INTS1: variants seen among roughly 807,000 people sequenced by gnomAD.
INTS1 encodes the protein integrator complex subunit 1.
A neutral mutation model predicts 241.6 loss-of-function variants in INTS1; 137 were observed. That is an observed-to-expected ratio of 0.57 (90% confidence interval 0.49 to 0.65). The LOEUF (loss-of-function observed/expected upper bound fraction) is 0.65, where lower values mean the gene tolerates loss of function less well. Among genes scored for constraint, INTS1 ranks in the 30% least tolerant of loss-of-function variants. INTS1 has a pLI of 0.00. For synonymous variants in INTS1, 1,692 were observed against 1,337.8 expected (o/e 1.26, Z -5.78); for missense variants, 3,073 against 3,032.2 (o/e 1.01, Z -0.32).
At chr7:1,489,562 T>C in intron 17 of INTS1, 29 bp downstream of exon 17, 2 of 1,545,156 alleles carry the variant, frequency 1.3e-6, no homozygotes, top group Middle Eastern at 1.7e-4. Context: ...GGGCCACGTG[T>C]GCGCATGGGG....
chr7:1,498,538 C>T lies in INTS1; in HGVS notation c.1299G>A (p.Ala433=), dbSNP rs143126716. Residue 433 remains alanine, a synonymous_variant, in exon 10 of 48, where the codon GCG becomes GCA. Transcript: ENST00000404767. Reference sequence around the variant, plus strand: ...TGGTGGTGCCCAGGTTGTCCTTGTGCGCGCTCAGCAGCTCCCTGGGTGAGG... The same window carrying T: ...TGGTGGTGCCCAGGTTGTCCTTGTGTGCGCTCAGCAGCTCCCTGGGTGAGG... The part of the protein sequence containing the change: ...FMLCIRELLS[A]HKDNLGTTIK... 2.1e-3 allele frequency: 3,391 copies of T among 1,613,740 alleles called. 59 individuals carry two copies. The African/African-American group carries it at 0.039, about 18-fold the overall frequency.
Position 1,478,473 on chromosome 7 carries a change from A to G in INTS1, c.4523T>C (p.Leu1508Pro), listed in dbSNP as rs1781837596. 6.2e-7 allele frequency: 1 copy of G among 1,611,830 alleles called. No homozygotes were observed. Among genetic ancestry groups the G allele is most frequent in the Admixed American group, 1.7e-5 (1 of 59,966 alleles). ...CACCTCCAGGTCCTGACGGAAGGCC[A>G]GGGCCTCGGCCAGGCGCAGGAGCCC... ...RGGLLRLAEA[L>P]AFRQDLEVVS... The change falls in exon 33 of 48, where the codon CTG becomes CCG. Residue 1508 changes from leucine (L) to proline (P), a missense_variant. Transcript: ENST00000404767.
chr7:1,475,363 CAACA>C (rs925371822), intron 39 of INTS1, among the ~76,000 whole-genome samples: 33 of 152,142 alleles, frequency 2.2e-4, no homozygotes, highest in Non-Finnish European at 4.0e-4. Flanking sequence ...CCAGCCTTGG[CAACA>C]GACACCCTGC....
chr7:1,488,757 G>A (rs1782401755), intron 18 of INTS1, among the ~76,000 whole-genome samples: 1 of 152,180 alleles, frequency 6.6e-6, no homozygotes, highest in Non-Finnish European at 1.5e-5. Context: ...TAGGATGCTG[G>A]CCCCAGAGCT....
intron 26 of INTS1, 27 bp downstream of exon 26, chr7:1,483,714 GC>G: frequency 6.3e-7 from 1 of 1,576,766 alleles, no homozygotes; most frequent in Non-Finnish European, 8.7e-7. Flanking sequence ...GCACGAAGCT[GC>G]CCCTCCCGGG....
intron 42 of INTS1, 106 bp downstream of exon 42, chr7:1,473,460 A>G: frequency 1.5e-6 from 2 of 1,370,018 alleles, no homozygotes; most frequent in Admixed American, 2.0e-5. Flanking sequence ...CCCCGGCCTC[A>G]GGAGCAGCAT....
Position 1,484,124 on chromosome 7 carries a change from AG to A in INTS1, c.3307del (p.Leu1103SerfsTer15). The A allele has an allele frequency of 1.9e-6, 3 of 1,612,276 alleles. No individual in the cohort carries two copies. The highest frequency in any genetic ancestry group is 2.5e-6 in the Non-Finnish European group (3 of 1,179,710). On this transcript the variant is annotated frameshift_variant, in exon 25 of 48. Transcript: ENST00000404767. LOFTEE classifies it high-confidence loss of function. ...VVERSTIMSH[L>X]FSKLSPSAAS... ...GGCACTCGGGGAGAGCTTCGAGAAGAGGTGGGACATGATGGTGGAGCGCTCC... is the reference window on the plus strand; with the variant it reads ...GGCACTCGGGGAGAGCTTCGAGAAGAGTGGGACATGATGGTGGAGCGCTCC...
intron 43 of INTS1, 88 bp downstream of exon 43, chr7:1,472,984 G>A (rs926401797): frequency 3.5e-5 from 30 of 846,104 alleles, no homozygotes; most frequent in African/African-American, 2.1e-4. Context: ...CGCCTCGGAC[G>A]GCCCAGGGCT....
chr7:1,503,796 C>G lies in INTS1; in HGVS notation c.58+107G>C, dbSNP rs905303942. 4 of 788,826 alleles carry G rather than the reference C, an allele frequency of 5.1e-6. No homozygotes were observed. In the East Asian group the frequency reaches 9.3e-5, roughly 18 times the overall value. 48.9% of individuals were successfully genotyped at this position (788,826 alleles called of 1,614,324 possible). On this transcript the variant is annotated intron_variant, in intron 2 of 47. Transcript: ENST00000404767. The stretch of plus-strand genomic sequence containing the variant: ...ACCGAATTCCTGGAAACAGCCGCGG[C>G]TGCGGAACAACCAAGCCCAACGCAG...
chr7:1,504,316 C>A lies in INTS1; in HGVS notation c.-42+7G>T, dbSNP rs529613649. The A allele has an allele frequency of 1.1e-5, 6 of 534,898 alleles. No individual in the cohort carries two copies. The highest frequency in any genetic ancestry group is 2.1e-5 in the Non-Finnish European group (6 of 283,280). The allele number at this position is 534,898 out of a possible 1,614,324, so 33.1% of individuals were successfully genotyped here. On this transcript the variant is annotated splice_region_variant and intron_variant, in intron 1 of 47. Coordinates refer to ENST00000404767, the MANE Select transcript of INTS1 (RefSeq NM_001080453.3). ...ATGAGGAAGCGCCCAGGCCGCGGCT[C>A]ACTTACCTCTGGCCCATCGCGACCG...
At position 1,476,275 on chromosome 7, in the gene INTS1, T is replaced by G. The variant is rs1422579756; in HGVS notation, c.5332A>C (p.Lys1778Gln). The G allele has an allele frequency of 6.3e-7, 1 of 1,580,622 alleles. No individual in the cohort carries two copies. Among genetic ancestry groups the G allele is most frequent in the Non-Finnish European group, 8.6e-7 (1 of 1,165,084 alleles). Residue 1778 changes from lysine (K) to glutamine (Q), a missense_variant, in exon 38 of 48, where the codon AAG becomes CAG. Coordinates refer to ENST00000404767, the MANE Select transcript of INTS1 (RefSeq NM_001080453.3). Reference protein sequence around the residue: ...CCCGDDESVRKVTEHLSGCIQ... With the variant: ...CCCGDDESVRQVTEHLSGCIQ... Reference sequence around the variant, plus strand: ...CAGCCTGACAGGTGCTCCGTCACCTTCCTGACACTCTCATCGTCCCCACAG... The same window carrying G: ...CAGCCTGACAGGTGCTCCGTCACCTGCCTGACACTCTCATCGTCCCCACAG...
intron 16 of INTS1, 41 bp downstream of exon 16, chr7:1,492,969 G>T: frequency 6.6e-7 from 1 of 1,516,036 alleles, no homozygotes; most frequent in Non-Finnish European, 9.1e-7. Context: ...GCGGGGCGCG[G>T]GCTTACCCGG....
At position 1,497,889 on chromosome 7, in the gene INTS1, C is replaced by G. The variant is rs1346224092; in HGVS notation, c.1425+523G>C. On this transcript the variant is annotated intron_variant, in intron 10 of 47. Transcript: ENST00000404767. The surrounding 1 kb of genome is among the most constrained non-coding windows in gnomAD (Gnocchi z 5.3). ...GGTCCTACAGCCAGGGCTACAGGGA[C>G]CCCTGCTTAACCGAGGGACCCAATG... Among the ~76,000 whole-genome samples the G allele has an allele frequency of 6.6e-6, 1 of 152,214 alleles. No homozygotes were observed. Among genetic ancestry groups the G allele is most frequent in the Non-Finnish European group, 1.5e-5 (1 of 68,040 alleles).
chr7:1,483,918 C>A (rs1782119025), intron 25 of INTS1, 65 bp from the exon 26 acceptor site: 6 of 1,585,546 alleles, frequency 3.8e-6, no homozygotes, highest in Non-Finnish European at 5.2e-6. Context: ...CCGAGGGTAC[C>A]CAGCTGGCAC....
At position 1,474,932 on chromosome 7, in the gene INTS1, C is replaced by T. The variant is rs950431858; in HGVS notation, c.5503-94G>A. The T allele has an allele frequency of 9.4e-5, 137 of 1,461,792 alleles. No individual in the cohort carries two copies. In the African/African-American group the frequency reaches 1.5e-3, roughly 16 times the overall value. 90.6% of individuals were successfully genotyped at this position (1,461,792 alleles called of 1,614,324 possible). On this transcript the variant is annotated intron_variant, in intron 39 of 47. Coordinates refer to ENST00000404767, the MANE Select transcript of INTS1 (RefSeq NM_001080453.3). Reference sequence around the variant, plus strand: ...GCCGCCAGCTGTGGCCGTGATCCACCGCGTGGCACGCCATGAGCAGAGGAA... The same window carrying T: ...GCCGCCAGCTGTGGCCGTGATCCACTGCGTGGCACGCCATGAGCAGAGGAA...
Position 1,484,717 on chromosome 7 carries a change from C to T in INTS1, c.3261+381G>A, listed in dbSNP as rs955632181. ...ATTCCACCCTGCTGTGAACAAGGCA[C>T]CCTCACCCCCGTGGCTTCGCATCCT... On this transcript the variant is annotated intron_variant, in intron 24 of 47. Coordinates refer to ENST00000404767, the MANE Select transcript of INTS1 (RefSeq NM_001080453.3). Among the ~76,000 whole-genome samples, 8 of 152,330 alleles carry T rather than the reference C, an allele frequency of 5.3e-5. No homozygotes were observed. The East Asian group carries it at 1.5e-3, about 29-fold the overall frequency.
At chr7:1,503,280 G>A (rs916598496) in intron 2 of INTS1, 89 bp from the exon 3 acceptor site, 62 of 1,366,212 alleles carry the variant, frequency 4.5e-5, no homozygotes, top group Non-Finnish European at 5.5e-5. Context: ...TGTCAGAGGG[G>A]ATTAAACAAG....
At position 1,504,355 on chromosome 7, in the gene INTS1, G is replaced by C. The variant is rs374729850; in HGVS notation, c.-74C>G. ...CCATCGCGACCGGAGCGCCGCCGCC[G>C]CCACCCGGCCACCCCGGAATCGGAA... On this transcript the variant is annotated 5_prime_UTR_variant, in exon 1 of 48. Coordinates refer to ENST00000404767, the MANE Select transcript of INTS1 (RefSeq NM_001080453.3). 6.1e-6 allele frequency: 3 copies of C among 493,926 alleles called. No individual in the cohort carries two copies. Among genetic ancestry groups the C allele is most frequent in the Admixed American group, 4.5e-5 (2 of 44,904 alleles). The allele number at this position is 493,926 out of a possible 1,614,324, so 30.6% of individuals were successfully genotyped here.
chr7:1,489,794 C>A, intron 16 of INTS1, 112 bp from the exon 17 acceptor site: 1 of 693,824 alleles, frequency 1.4e-6, no homozygotes, highest in Non-Finnish European at 2.4e-6. Flanking sequence ...CCCAGCTCCT[C>A]CCGGGACTGC....
Sources: allele counts gnomAD v4.1 joint callset (sites outside exome capture counted in the v4.1 genomes callset), GRCh38; gene constraint gnomAD v4.1.1; non-coding constraint Gnocchi (gnomAD v3.1); transcripts MANE v1.5; gene names NCBI Gene and HGNC (gene_info 2026-07-23, HGNC 2026-07-21).